Variants in TRABD2B observed in about 807,000 individuals in gnomAD.
TRABD2B encodes the protein metalloprotease TIKI2.
TRABD2B carries 14 observed loss-of-function variants against 40.1 expected under a neutral mutation model. The observed-to-expected ratio is 0.35, with a 90% CI of 0.23 to 0.55. The LOEUF (loss-of-function observed/expected upper bound fraction) is 0.55, where lower values mean the gene tolerates loss of function less well. TRABD2B is among the 20% of genes least tolerant of loss of function. The probability of loss-of-function intolerance (pLI) is 0.90; values close to 1 mark genes in which losing one functional copy is unlikely to be tolerated. For synonymous variants in TRABD2B, 263 were observed against 277.0 expected, an observed-to-expected ratio of 0.95 and a Z score of 0.50; for missense variants, 541 against 648.6, an observed-to-expected ratio of 0.83 and a Z score of 1.80.
intron 2 of TRABD2B, among the ~76,000 whole-genome samples, chr1:47,912,222 CTATTTAGTTAG>C (rs1644772619): frequency 6.6e-6 from 1 of 152,130 alleles, no homozygotes; most frequent in African/African-American, 2.4e-5. Flanking sequence ...ATAAACTAAT[CTATTTAGTTAG>C]AAAAACATGG....
chr1:47,852,433 G>A (rs151041102), intron 2 of TRABD2B, among the ~76,000 whole-genome samples: 11 of 152,230 alleles, frequency 7.2e-5, no homozygotes, highest in Admixed American at 5.9e-4. Flanking sequence ...TCATTTTCAC[G>A]ATCCCCTTTC....
At chr1:47,933,491 C>CGT (rs1275404969) in intron 2 of TRABD2B, among the ~76,000 whole-genome samples, 1 of 152,132 alleles carries the variant, frequency 6.6e-6, no homozygotes, top group East Asian at 1.9e-4. Context: ...GACTATGAAA[C>CGT]AACCACACTG....
intron 2 of TRABD2B, among the ~76,000 whole-genome samples, chr1:47,919,561 A>G (rs1644875309): frequency 6.6e-6 from 1 of 152,222 alleles, no homozygotes; most frequent in African/African-American, 2.4e-5. Flanking sequence ...CTGTGGGGAA[A>G]TCAGCACCTC....
At chr1:47,823,795 C>T (rs1570049413) in intron 2 of TRABD2B, among the ~76,000 whole-genome samples, 1 of 152,300 alleles carries the variant, frequency 6.6e-6, no homozygotes, top group Non-Finnish European at 1.5e-5. Context: ...AAGGTGGGAC[C>T]AAGGCCCAGC....
chr1:47,837,963 G>A (rs1347179631), intron 2 of TRABD2B, among the ~76,000 whole-genome samples: 3 of 152,194 alleles, frequency 2.0e-5, no homozygotes, highest in African/African-American at 7.2e-5. Flanking sequence ...AGCCAGCACG[G>A]GGATTCAAGT....
intron 2 of TRABD2B, among the ~76,000 whole-genome samples, chr1:47,874,713 A>G (rs952289473): frequency 4.6e-5 from 7 of 151,570 alleles, no homozygotes; most frequent in Admixed American, 1.3e-4. Flanking sequence ...GACGACCGAC[A>G]TGCACCACCA....
chr1:47,967,677 G>A (rs1237737742), intron 2 of TRABD2B, among the ~76,000 whole-genome samples: 1 of 152,138 alleles, frequency 6.6e-6, no homozygotes, highest in African/African-American at 2.4e-5. Context: ...CTGGAAACTA[G>A]AAAAATAGGA....
chr1:47,846,231 G>C (rs1200819777), intron 2 of TRABD2B, among the ~76,000 whole-genome samples: 1 of 152,248 alleles, frequency 6.6e-6, no homozygotes, highest in African/African-American at 2.4e-5. Flanking sequence ...TTACAGGAAA[G>C]TTGAAGTGGC....
intron 2 of TRABD2B, among the ~76,000 whole-genome samples, chr1:47,826,546 G>A (rs1188418645): frequency 6.6e-6 from 1 of 152,076 alleles, no homozygotes; most frequent in Non-Finnish European, 1.5e-5. Context: ...CTTGGGTGAA[G>A]GGACGTTTCT....
intron 5 of TRABD2B, among the ~76,000 whole-genome samples, chr1:47,775,919 C>T (rs953287024): frequency 9.9e-5 from 15 of 152,020 alleles, no homozygotes; most frequent in Non-Finnish European, 1.9e-4. Context: ...CGTGAGGGAG[C>T]GAGCCCTGGG....
At chr1:47,849,797 T>A (rs944016127) in intron 2 of TRABD2B, among the ~76,000 whole-genome samples, 14 of 152,040 alleles carry the variant, frequency 9.2e-5, no homozygotes, top group African/African-American at 3.1e-4. Context: ...CCGCCCAAGG[T>A]TTTTGCTTTT....
At chr1:47,995,134 T>C (rs1358477405) in intron 1 of TRABD2B, among the ~76,000 whole-genome samples, 1 of 152,158 alleles carries the variant, frequency 6.6e-6, no homozygotes, top group Non-Finnish European at 1.5e-5. Flanking sequence ...ATCCAACCAT[T>C]AGAAGATATA....
intron 2 of TRABD2B, among the ~76,000 whole-genome samples, chr1:47,990,649 T>C (rs1041391130): frequency 6.6e-6 from 1 of 150,948 alleles, no homozygotes; most frequent in African/African-American, 2.4e-5. Flanking sequence ...TAGTATCTTC[T>C]CATGTCCCCA....
At chr1:47,967,741 C>T (rs11588485) in intron 2 of TRABD2B, among the ~76,000 whole-genome samples, 3,724 of 152,296 alleles carry the variant, frequency 0.024, 115 homozygotes, top group Admixed American at 0.088. Context: ...ATACTATATA[C>T]ACCTCACCAT....
intron 2 of TRABD2B, among the ~76,000 whole-genome samples, chr1:47,814,017 G>A (rs541513386): frequency 1.3e-5 from 2 of 152,380 alleles, no homozygotes; most frequent in African/African-American, 4.8e-5. Context: ...TGAGAGTCCA[G>A]CAAATGTGGG....
intron 2 of TRABD2B, among the ~76,000 whole-genome samples, chr1:47,893,228 T>G (rs541389641): frequency 5.9e-4 from 89 of 152,004 alleles, no homozygotes; most frequent in African/African-American, 2.1e-3. Context: ...TATATAGTTT[T>G]CAAATATCTA....
chr1:47,854,231 G>A (rs577909345), intron 2 of TRABD2B, among the ~76,000 whole-genome samples: 1 of 152,302 alleles, frequency 6.6e-6, no homozygotes, highest in African/African-American at 2.4e-5. Flanking sequence ...AATGCCTACT[G>A]TCTAGAGTTG....
In TRABD2B at chr1:47,996,848, G is replaced by A; in HGVS notation, c.-59C>T. The A allele has an allele frequency of 8.6e-7, 1 of 1,160,716 alleles. No homozygotes were observed. The highest frequency in any genetic ancestry group is 1.1e-6 in the Non-Finnish European group (1 of 942,518). 71.9% of individuals were successfully genotyped at this position (1,160,716 alleles called of 1,614,324 possible). ...CTGGGCGGCGCCCCTCAGCGGGGCG[G>A]GGAGCCCCCAGTTGGGCACGGAGTT... On this transcript the variant is annotated 5_prime_UTR_variant, in exon 1 of 7. Coordinates refer to ENST00000606738, the MANE Select transcript of TRABD2B (RefSeq NM_001194986.2). The surrounding 1 kb of genome is among the most constrained non-coding windows in gnomAD (Gnocchi z 4.6).
At chr1:47,938,064 T>C (rs1645137570) in intron 2 of TRABD2B, among the ~76,000 whole-genome samples, 1 of 152,146 alleles carries the variant, frequency 6.6e-6, no homozygotes, top group South Asian at 2.1e-4. Context: ...CTAAATTACA[T>C]ATTGTAGCCA....
Sources: allele counts gnomAD v4.1 joint callset (sites outside exome capture counted in the v4.1 genomes callset), GRCh38; gene constraint gnomAD v4.1.1; non-coding constraint Gnocchi (gnomAD v3.1); transcripts MANE v1.5; gene names NCBI Gene and HGNC (gene_info 2026-07-23, HGNC 2026-07-21).